The following ZMAT4 variants were observed in gnomAD, a reference collection of about 807,000 sequenced individuals.
ZMAT4 encodes the protein zinc finger matrin-type protein 4.
ZMAT4 carries 17 observed loss-of-function variants against 28.7 expected under a neutral mutation model. That is an observed-to-expected ratio of 0.59 (90% CI 0.41 to 0.89). The LOEUF is 0.89. Ranked by LOEUF, ZMAT4 falls within the 40% of genes least tolerant of loss-of-function variation. ZMAT4 has a pLI of 0.00. For missense variants in ZMAT4, 240 were observed against 283.8 expected (o/e 0.85, Z 1.11); for synonymous variants, 117 against 109.2 (o/e 1.07, Z -0.44).
chr8:40,600,883 G>A (rs1401472401), intron 5 of ZMAT4, among the ~76,000 whole-genome samples: 1 of 152,146 alleles, frequency 6.6e-6, no homozygotes, highest in East Asian at 1.9e-4. Flanking sequence ...AACCCACTGG[G>A]CAGAAAATAA....
intron 3 of ZMAT4, among the ~76,000 whole-genome samples, chr8:40,756,620 TGTAA>T (rs2150551651): frequency 9.8e-6 from 1 of 101,570 alleles, no homozygotes; most frequent in African/African-American, 3.8e-5. Context: ...GGTTTATGTT[TGTAA>T]GTGTGTGTGT....
At chr8:40,732,999 C>T (rs529553735) in intron 3 of ZMAT4, among the ~76,000 whole-genome samples, 231 of 151,980 alleles carry the variant, frequency 1.5e-3, no homozygotes, top group African/African-American at 5.4e-3. Context: ...GCACAGGCCA[C>T]CACACCAAGC....
intron 5 of ZMAT4, among the ~76,000 whole-genome samples, chr8:40,624,710 T>C (rs992046522): frequency 5.3e-5 from 8 of 152,330 alleles, no homozygotes; most frequent in African/African-American, 1.9e-4. Flanking sequence ...AAGGATTCCC[T>C]CTTAACTGGA....
chr8:40,695,382 T>C (rs4338093), intron 4 of ZMAT4, among the ~76,000 whole-genome samples: 148,330 of 152,258 alleles, frequency 0.97, 72,367 homozygotes, highest in East Asian at 1. Flanking sequence ...CTCAAAGCAG[T>C]GACAGAGGGG....
intron 2 of ZMAT4, among the ~76,000 whole-genome samples, chr8:40,782,393 G>GCAAACAAA (rs397695690): frequency 1.6e-4 from 23 of 145,152 alleles, no homozygotes; most frequent in African/African-American, 4.9e-4. Context: ...TCGAAAACAA[G>GCAAACAAA]CAAACAAACA....
chr8:40,542,772 G>A (rs1803082261), intron 6 of ZMAT4, among the ~76,000 whole-genome samples: 1 of 152,164 alleles, frequency 6.6e-6, no homozygotes, highest in Admixed American at 6.5e-5. Flanking sequence ...CAGAATAAGT[G>A]AACTGTGGAA....
chr8:40,862,492 G>T (rs1352809958), intron 1 of ZMAT4, among the ~76,000 whole-genome samples: 2 of 143,834 alleles, frequency 1.4e-5, no homozygotes, highest in African/African-American at 5.2e-5. Flanking sequence ...AGTGGGTGCA[G>T]CACACCAGCA....
intron 5 of ZMAT4, among the ~76,000 whole-genome samples, chr8:40,656,683 G>A (rs958612367): frequency 6.6e-5 from 10 of 151,836 alleles, no homozygotes; most frequent in Admixed American, 1.3e-4. Flanking sequence ...GAAGAATGTC[G>A]AGACTACCTT....
At chr8:40,787,832 G>T (rs1331516041) in intron 2 of ZMAT4, among the ~76,000 whole-genome samples, 1 of 152,166 alleles carries the variant, frequency 6.6e-6, no homozygotes, top group Non-Finnish European at 1.5e-5. Flanking sequence ...GCTCAGGAAA[G>T]AATGCAACTT....
chr8:40,733,314 C>A (rs543833564), intron 3 of ZMAT4, among the ~76,000 whole-genome samples: 1 of 152,206 alleles, frequency 6.6e-6, no homozygotes, highest in South Asian at 2.1e-4. Context: ...AATCAAAAAT[C>A]TGGTATATTT....
intron 1 of ZMAT4, among the ~76,000 whole-genome samples, chr8:40,852,188 T>C (rs1817134192): frequency 3.3e-5 from 5 of 152,170 alleles, no homozygotes; most frequent in Admixed American, 3.3e-4. Flanking sequence ...TTGTGTCCTT[T>C]AACAAATCTC....
At chr8:40,726,278 C>A (rs1457707132) in intron 3 of ZMAT4, among the ~76,000 whole-genome samples, 1 of 152,110 alleles carries the variant, frequency 6.6e-6, no homozygotes, top group African/African-American at 2.4e-5. Flanking sequence ...TCAGAGTAAA[C>A]CTGGTTCAAA....
intron 2 of ZMAT4, among the ~76,000 whole-genome samples, chr8:40,819,995 G>A (rs1815689935): frequency 6.6e-6 from 1 of 151,938 alleles, no homozygotes; most frequent in East Asian, 1.9e-4. Context: ...GTGAAACCAG[G>A]TCTAGAAGGT....
intron 3 of ZMAT4, among the ~76,000 whole-genome samples, chr8:40,765,000 T>TA (rs59446867): frequency 8.6e-5 from 13 of 150,350 alleles, no homozygotes; most frequent in South Asian, 2.1e-4. Context: ...CCTGGCTAAT[T>TA]AAAAAAAAAA....
chr8:40,786,308 T>C (rs1234775079), intron 2 of ZMAT4, among the ~76,000 whole-genome samples: 2 of 152,212 alleles, frequency 1.3e-5, no homozygotes, highest in Non-Finnish European at 2.9e-5. Flanking sequence ...GTTTGAGTCC[T>C]ATTAATATTC....
chr8:40,843,360 G>T (rs985324212), intron 1 of ZMAT4, among the ~76,000 whole-genome samples: 1 of 152,170 alleles, frequency 6.6e-6, no homozygotes, highest in African/African-American at 2.4e-5. Context: ...GAGCTGGCTG[G>T]ATCAGAGACC....
Position 40,881,537 on chromosome 8 carries a change from AG to A in ZMAT4, c.-5+16145del, listed in dbSNP as rs762809509. Among the ~76,000 whole-genome samples the A allele has an allele frequency of 1.4e-4, 7 of 51,594 alleles. 1 individual carries two copies. Among genetic ancestry groups the A allele is most frequent in the South Asian group, 1.6e-3 (2 of 1,226 alleles). 33.8% of individuals were successfully genotyped at this position (51,594 alleles called of 152,430 possible). A position where few individuals can be genotyped will look rare whatever the true frequency, so the allele number is the denominator to read the frequency against. ...AGGGGAGAGAGAGAGACAGAAAGAA[AG>A]AAAGAAAGAAAGAAAGAAAGAAAGA... On this transcript the variant is annotated intron_variant, in intron 1 of 6. Transcript: ENST00000297737.
chr8:40,876,327 GT>G (rs576118590), intron 1 of ZMAT4, among the ~76,000 whole-genome samples: 1 of 151,974 alleles, frequency 6.6e-6, no homozygotes, highest in South Asian at 2.1e-4. Context: ...ATGATCTTTT[GT>G]TTGTTTTTGA....
intron 1 of ZMAT4, among the ~76,000 whole-genome samples, chr8:40,840,969 C>A (rs562473920): frequency 8.5e-5 from 13 of 152,312 alleles, no homozygotes; most frequent in Middle Eastern, 6.8e-3. Context: ...TTACAAGCCA[C>A]CTGGCACCCG....
Sources: gnomAD v4.1 joint callset for allele counts (sites outside exome capture counted in the v4.1 genomes callset) on GRCh38, gnomAD v4.1.1 for gene constraint, MANE v1.5 for transcripts, NCBI Gene and HGNC (gene_info 2026-07-23, HGNC 2026-07-21) for gene names.